The following GARRE1 variants were observed in gnomAD, a reference collection of about 807,000 sequenced individuals.
GARRE1 encodes the protein granule associated Rac and RHOG effector 1.
Under a neutral mutation model 103.2 loss-of-function variants are expected in GARRE1, and 49 were observed. The ratio of observed to expected loss-of-function variants is 0.47; its 90% CI spans 0.38 to 0.60. GARRE1 has a LOEUF of 0.60. Ranked by LOEUF, GARRE1 falls within the 20% of genes least tolerant of loss-of-function variation. GARRE1 has a pLI of 0.00. For synonymous variants in GARRE1, 505 were observed against 532.8 expected, an observed-to-expected ratio of 0.95 and a Z score of 0.72; for missense variants, 1,199 against 1,370.5, an observed-to-expected ratio of 0.87 and a Z score of 1.98.
In GARRE1 at chr19:34,342,523, C is replaced by T. The variant is rs576376307; in HGVS notation, c.2521+68C>T. The T allele has an allele frequency of 3.6e-6, 5 of 1,381,684 alleles. No homozygotes were observed. The Admixed American group carries it at 7.9e-5, about 22-fold the overall frequency. The allele number at this position is 1,381,684 out of a possible 1,614,324, so 85.6% of individuals were successfully genotyped here. A position where few individuals can be genotyped will look rare whatever the true frequency, so the allele number is the denominator to read the frequency against. ...TGCAACTGCCGAGGTCTTCCCAGGG[C>T]CTGTCTGCTGCAGCCTTACTTGTGA... On this transcript the variant is annotated intron_variant, in intron 10 of 13. Coordinates refer to ENST00000299505, the MANE Select transcript of GARRE1 (RefSeq NM_014686.5).
intron 1 of GARRE1, among the ~76,000 whole-genome samples, chr19:34,261,802 A>G (rs564095355): frequency 3.3e-5 from 5 of 152,152 alleles, no homozygotes; most frequent in African/African-American, 9.6e-5. Context: ...ACTAATAACA[A>G]TGTCTAACTG....
At chr19:34,296,464 C>T (rs984146719) in intron 1 of GARRE1, 50 of 1,593,532 alleles carry the variant, frequency 3.1e-5, no homozygotes, top group African/African-American at 9.4e-5. Context: ...GCAAGTCGAT[C>T]GAGCTTGTGG....
At chr19:34,347,789 T>C (rs2074218825) in intron 10 of GARRE1, 88 bp from the exon 11 acceptor site, 2 of 1,257,652 alleles carry the variant, frequency 1.6e-6, no homozygotes, top group South Asian at 1.7e-5. Context: ...TTTCATTGCA[T>C]GTGTGACCAG....
At chr19:34,320,649 T>G (rs909212718) in intron 3 of GARRE1, among the ~76,000 whole-genome samples, 1 of 152,158 alleles carries the variant, frequency 6.6e-6, no homozygotes, top group South Asian at 2.1e-4. Context: ...GTGTTTTTTG[T>G]TAGTCAAATC....
At chr19:34,283,120 CAGT>C (rs1277714698) in intron 1 of GARRE1, among the ~76,000 whole-genome samples, 2 of 152,208 alleles carry the variant, frequency 1.3e-5, no homozygotes, top group Non-Finnish European at 2.9e-5. Context: ...CCATTTCTGA[CAGT>C]AGGACTGCTT....
At chr19:34,337,885 T>A (rs941252965) in intron 8 of GARRE1, among the ~76,000 whole-genome samples, 2 of 152,318 alleles carry the variant, frequency 1.3e-5, no homozygotes, top group East Asian at 3.9e-4. Flanking sequence ...CAGACTTGGC[T>A]TGGGAACAAG....
chr19:34,326,974 A>G (rs897527069), intron 3 of GARRE1, among the ~76,000 whole-genome samples: 34 of 151,988 alleles, frequency 2.2e-4, no homozygotes, highest in African/African-American at 8.0e-4. Flanking sequence ...GACCAACATC[A>G]TGAAACCTTG....
chr19:34,277,716 A>C (rs2073825222), intron 1 of GARRE1, among the ~76,000 whole-genome samples: 1 of 152,130 alleles, frequency 6.6e-6, no homozygotes, highest in Non-Finnish European at 1.5e-5. Context: ...GTTTCACCAA[A>C]TCATTTTAAC....
chr19:34,279,601 G>A (rs2073838632), intron 1 of GARRE1, among the ~76,000 whole-genome samples: 1 of 152,050 alleles, frequency 6.6e-6, no homozygotes, highest in Non-Finnish European at 1.5e-5. Flanking sequence ...GTTTTGATTT[G>A]CATTTTCCAA....
intron 2 of GARRE1, among the ~76,000 whole-genome samples, chr19:34,309,125 A>G (rs542800837): frequency 6.6e-6 from 1 of 152,260 alleles, no homozygotes; most frequent in South Asian, 2.1e-4. Context: ...TTCTAAAATG[A>G]ATCCAGTCTA....
intron 1 of GARRE1, among the ~76,000 whole-genome samples, chr19:34,288,775 T>TTC (rs940440953): frequency 1.3e-5 from 2 of 152,220 alleles, no homozygotes; most frequent in African/African-American, 4.8e-5. Flanking sequence ...GAGACATAAG[T>TTC]TCTAGTAGTG....
chr19:34,267,991 C>T (rs1334629851), intron 1 of GARRE1, among the ~76,000 whole-genome samples: 1 of 151,590 alleles, frequency 6.6e-6, no homozygotes, highest in African/African-American at 2.4e-5. Flanking sequence ...CCAGGCTGGT[C>T]TCGAACTCTT....
intron 3 of GARRE1, among the ~76,000 whole-genome samples, chr19:34,320,431 G>T (rs946788010): frequency 3.3e-5 from 5 of 152,218 alleles, no homozygotes; most frequent in African/African-American, 9.7e-5. Context: ...CTGAACGGTA[G>T]TGCTGCAGGA....
At chr19:34,275,368 A>G (rs924445244) in intron 1 of GARRE1, among the ~76,000 whole-genome samples, 1 of 152,170 alleles carries the variant, frequency 6.6e-6, no homozygotes, top group Non-Finnish European at 1.5e-5. Flanking sequence ...CAAATAAACC[A>G]TATACCCATT....
At chr19:34,270,754 C>G (rs1056810614) in intron 1 of GARRE1, among the ~76,000 whole-genome samples, 1 of 152,096 alleles carries the variant, frequency 6.6e-6, no homozygotes, top group Non-Finnish European at 1.5e-5. Context: ...TATCATCTCC[C>G]CAGAAAGAAG....
intron 1 of GARRE1, among the ~76,000 whole-genome samples, chr19:34,263,671 T>C (rs2073733909): frequency 6.6e-6 from 1 of 152,044 alleles, no homozygotes; most frequent in African/African-American, 2.4e-5. Context: ...AGAGACAGGG[T>C]TTCACCATGT....
At chr19:34,324,708 A>G (rs1038156290) in intron 3 of GARRE1, among the ~76,000 whole-genome samples, 7 of 151,858 alleles carry the variant, frequency 4.6e-5, no homozygotes, top group South Asian at 4.2e-4. Flanking sequence ...GGGTCTTGCT[A>G]TGTTCCCAGG....
Position 34,255,791 on chromosome 19 carries a change from C to T in GARRE1, c.-796+1177C>T, listed in dbSNP as rs529625501. 3.0e-4 allele frequency among the ~76,000 whole-genome samples: 46 copies of T among 151,520 alleles called. No individual in the cohort carries two copies. The South Asian group carries it at 9.5e-3, about 31-fold the overall frequency. ...TTGGGATTACAAGTGTGAGATATTA[C>T]ACCTGGTCTGATTGTTATCTTAGAA... On this transcript the variant is annotated intron_variant, in intron 1 of 13. Coordinates refer to ENST00000299505, the MANE Select transcript of GARRE1 (RefSeq NM_014686.5).
chr19:34,324,889 T>C (rs2074104833), intron 3 of GARRE1, among the ~76,000 whole-genome samples: 1 of 152,210 alleles, frequency 6.6e-6, no homozygotes, highest in African/African-American at 2.4e-5. Flanking sequence ...TGAATGTATC[T>C]ATACATAAGG....
Sources: allele counts gnomAD v4.1 joint callset (sites outside exome capture counted in the v4.1 genomes callset), GRCh38; gene constraint gnomAD v4.1.1; transcripts MANE v1.5; gene names NCBI Gene and HGNC (gene_info 2026-07-23, HGNC 2026-07-21).